The following PIWIL1 variants were observed in gnomAD, a reference collection of about 807,000 sequenced individuals.
PIWIL1 encodes piwi like RNA-mediated gene silencing 1.
A neutral mutation model predicts 114.4 loss-of-function variants in PIWIL1; 73 were observed. That is an observed-to-expected ratio of 0.64 (90% confidence interval 0.53 to 0.78). PIWIL1 has a LOEUF of 0.78. Ranked by LOEUF, PIWIL1 falls within the 30% of genes least tolerant of loss-of-function variation. The pLI is 0.00. For missense variants in PIWIL1, 723 were observed against 1,063.1 expected (o/e 0.68, Z 4.45); for synonymous variants, 375 against 369.0 (o/e 1.02, Z -0.19).
the PIWIL1 span, chr12:130,420,793 G>C: frequency 6.6e-6 from 1 of 152,124 alleles, no homozygotes; most frequent in African/African-American, 2.4e-5. This position sits in a 1 kb window ranked among gnomAD's most constrained non-coding sequence, Gnocchi z 4.3. Context: ...GCAGGCCCAG[G>C]GTTGGTTTTC....
At chr12:130,349,751 C>T in intron 8 of PIWIL1, 105 bp from the exon 9 acceptor site, 3 of 681,940 alleles carry the variant, frequency 4.4e-6, no homozygotes, top group East Asian at 5.3e-5. Context: ...TTGTATATAA[C>T]CAGGTGATTT....
At chr12:130,425,037 T>G in the PIWIL1 span, 102 of 362,386 alleles carry the variant, frequency 2.8e-4, no homozygotes, top group East Asian at 2.9e-4. Flanking sequence ...GAAAACAGAA[T>G]GGGTTACGGG....
the PIWIL1 span, among the ~76,000 whole-genome samples, chr12:130,395,975 G>C: frequency 6.7e-6 from 1 of 149,032 alleles, no homozygotes; most frequent in East Asian, 2.0e-4. Context: ...TCACAACATT[G>C]TCAATGGCTC....
At chr12:130,396,397 A>T in the PIWIL1 span, 7 of 152,710 alleles carry the variant, frequency 4.6e-5, no homozygotes, top group Admixed American at 4.6e-4. Flanking sequence ...GTGGACAAGA[A>T]TTACAAAAGA....
At chr12:130,387,790 A>G in the PIWIL1 span, among the ~76,000 whole-genome samples, 2 of 152,226 alleles carry the variant, frequency 1.3e-5, no homozygotes, top group African/African-American at 4.8e-5. Context: ...CTGTTGAAAA[A>G]GTTTTAACAA....
chr12:130,357,200 G>C (rs569894358), intron 13 of PIWIL1, 95 bp downstream of exon 13: 23 of 1,039,716 alleles, frequency 2.2e-5, no homozygotes, highest in East Asian at 5.1e-5. Flanking sequence ...TATCTTAATT[G>C]AAAGGTTTGA....
At chr12:130,340,986 T>C (rs1349593801) in intron 1 of PIWIL1, among the ~76,000 whole-genome samples, 5 of 152,164 alleles carry the variant, frequency 3.3e-5, no homozygotes, top group Admixed American at 6.5e-5. Flanking sequence ...GTTTTTAAAA[T>C]TGAAAAATGG....
At chr12:130,358,886 G>A (rs960164084) in intron 14 of PIWIL1, among the ~76,000 whole-genome samples, 14 of 152,122 alleles carry the variant, frequency 9.2e-5, no homozygotes, top group Admixed American at 3.3e-4. Context: ...CATGTTGTAC[G>A]ACTATGGCCT....
Position 130,343,027 on chromosome 12 carries a change from C to G in PIWIL1, c.116C>G (p.Pro39Arg), listed in dbSNP as rs1188091354. The change falls in exon 3 of 21, where the codon CCG becomes CGG. Residue 39 changes from proline (P) to arginine (R), a missense_variant. This residue lies in a region of PIWIL1 where 91 missense variants were observed against 76.2 expected (regional missense o/e 1.19). Coordinates refer to ENST00000245255, the MANE Select transcript of PIWIL1 (RefSeq NM_004764.5). ...QPGYIQPRPQ[P>R]PPAEGELFGR... ...GGTTATATTCAGCCTAGGCCTCAGC[C>G]GCCACCAGCAGAGGGGGAATTATTT... The G allele has an allele frequency of 5.6e-6, 9 of 1,613,930 alleles. No individual in the cohort carries two copies. The African/African-American group carries it at 6.7e-5, about 12-fold the overall frequency.
rs572959581 is a variant in PIWIL1 at position 130,365,518 on chromosome 12, T to G, written c.2196-1615T>G. On this transcript the variant is annotated intron_variant, in intron 18 of 20. Coordinates refer to ENST00000245255, the MANE Select transcript of PIWIL1 (RefSeq NM_004764.5). ...CAAAGTTTGGACTTCAATGTTTGTCTAATAGTTATCATTAGAACCACAATG... is the reference window on the plus strand; with the variant it reads ...CAAAGTTTGGACTTCAATGTTTGTCGAATAGTTATCATTAGAACCACAATG... Among the ~76,000 whole-genome samples, 35 of 152,348 alleles carry G rather than the reference T, an allele frequency of 2.3e-4. 2 individuals carry two copies. The South Asian group carries it at 3.9e-3, about 17-fold the overall frequency.
intron 1 of PIWIL1, chr12:130,342,098 T>C (rs2072931312): frequency 6.2e-6 from 1 of 161,016 alleles, no homozygotes; most frequent in East Asian, 1.8e-4. Flanking sequence ...ACTCATTATG[T>C]ATGCAGAAGG....
At chr12:130,399,314 G>A in the PIWIL1 span, among the ~76,000 whole-genome samples, 1 of 152,146 alleles carries the variant, frequency 6.6e-6, no homozygotes, top group African/African-American at 2.4e-5. Flanking sequence ...GGATCCTTGT[G>A]AAGAGACTAA....
chr12:130,386,172 T>C, the PIWIL1 span, among the ~76,000 whole-genome samples: 142,423 of 152,258 alleles, frequency 0.94, 66,736 homozygotes, highest in Non-Finnish European at 0.96. Flanking sequence ...ATAAGTAGAT[T>C]GTTTGTTTCT....
rs1449020242 is a variant in PIWIL1, at chr12:130,345,908, A to T, written c.316+30A>T. 1.9e-6 allele frequency: 3 copies of T among 1,610,486 alleles called. No individual in the cohort carries two copies. In the Admixed American group the frequency reaches 5.0e-5, roughly 27 times the overall value. Reference sequence around the variant, plus strand: ...GTTAATTAAGAATAAGTTTTGTGAGATTACATCTCAGGAACACAGGACAGT... The same window carrying T: ...GTTAATTAAGAATAAGTTTTGTGAGTTTACATCTCAGGAACACAGGACAGT... On this transcript the variant is annotated intron_variant, in intron 4 of 20. Transcript: ENST00000245255.
chr12:130,420,560 A>G, the PIWIL1 span, among the ~76,000 whole-genome samples: 2 of 152,194 alleles, frequency 1.3e-5, no homozygotes, highest in African/African-American at 4.8e-5. The surrounding 1 kb of genome is among the most constrained non-coding windows in gnomAD (Gnocchi z 4.3). Flanking sequence ...GATACTAATA[A>G]AACTTTAAAG....
intron 7 of PIWIL1, 106 bp downstream of exon 7, chr12:130,348,289 C>A (rs188699382): frequency 9.8e-6 from 6 of 613,626 alleles, no homozygotes; most frequent in Non-Finnish European, 1.7e-5. Flanking sequence ...CTGTTAATGC[C>A]GCCCATCACA....
At chr12:130,402,140 C>T in the PIWIL1 span, among the ~76,000 whole-genome samples, 3 of 152,200 alleles carry the variant, frequency 2.0e-5, no homozygotes, top group African/African-American at 7.2e-5. Flanking sequence ...ATGCCTCTAC[C>T]ACTGCGTGCT....
At chr12:130,353,840 C>T (rs373329837) in intron 9 of PIWIL1, among the ~76,000 whole-genome samples, 1 of 151,702 alleles carries the variant, frequency 6.6e-6, no homozygotes, top group African/African-American at 2.4e-5. Context: ...GCAGGAGAAT[C>T]ACCTGAACCC....
chr12:130,382,344 G>A, the PIWIL1 span, among the ~76,000 whole-genome samples: 5 of 152,146 alleles, frequency 3.3e-5, no homozygotes, highest in East Asian at 3.9e-4. Flanking sequence ...GCTGCCTCCC[G>A]GGTCTGGTAA....
Sources: allele counts gnomAD v4.1 joint callset (sites outside exome capture counted in the v4.1 genomes callset), GRCh38; gene constraint gnomAD v4.1.1; regional missense constraint gnomAD v4.1.1; non-coding constraint Gnocchi (gnomAD v3.1); transcripts MANE v1.5; gene names NCBI Gene and HGNC (gene_info 2026-07-23, HGNC 2026-07-21).